NLRP8: variants seen among roughly 807,000 people sequenced by gnomAD.
NLRP8 encodes the protein NACHT, LRR and PYD domains-containing protein 8.
Under a neutral mutation model 88.7 loss-of-function variants are expected in NLRP8, and 86 were observed. The observed-to-expected ratio is 0.97, with a 90% CI of 0.81 to 1.16. The LOEUF (loss-of-function observed/expected upper bound fraction) is 1.16, where lower values mean the gene tolerates loss of function less well. Ranked by LOEUF, NLRP8 falls within the 50% of genes most tolerant of loss-of-function variation. The pLI is 0.00. For missense variants in NLRP8, 1,342 were observed against 1,286.5 expected (o/e 1.04, Z -0.66); for synonymous variants, 504 against 494.6 (o/e 1.02, Z -0.25).
rs1039259423 is a variant in NLRP8, at chr19:55,965,380, G to T, written c.2214-833G>T. ...GCAGGAGAATCACTTGAACCTGGGA[G>T]GCAGAGGTTACAGTAAGCTGAGATC... On this transcript the variant is annotated intron_variant, in intron 4 of 9. Transcript: ENST00000291971. 3.4e-4 allele frequency among the ~76,000 whole-genome samples: 52 copies of T among 151,938 alleles called. 1 individual carries two copies.
intron 9 of NLRP8, among the ~76,000 whole-genome samples, chr19:55,987,479 G>A (rs894315616): frequency 1.3e-5 from 2 of 152,194 alleles, no homozygotes; most frequent in Non-Finnish European, 2.9e-5. Flanking sequence ...TGCTAATTGT[G>A]CAAATACTAT....
chr19:55,987,813 G>C lies in NLRP8; in HGVS notation c.3048-1G>C. ...AGCAGCCTTCCTTTACCTCCCTCCA[G>C]CTGTATTCCTGCCTGGACTCGAATA... On this transcript the variant is annotated splice_acceptor_variant, in intron 9 of 9. Coordinates refer to ENST00000291971, the MANE Select transcript of NLRP8 (RefSeq NM_176811.2). LOFTEE classifies it high-confidence loss of function. 6.2e-7 allele frequency: 1 copy of C among 1,612,760 alleles called. No individual in the cohort carries two copies. Among genetic ancestry groups the C allele is most frequent in the South Asian group, 1.1e-5 (1 of 91,052 alleles).
rs1390812231 is a variant in NLRP8 at position 55,973,840 on chromosome 19, T to C, written c.2705+18T>C. On this transcript the variant is annotated intron_variant, in intron 7 of 9. Coordinates refer to ENST00000291971, the MANE Select transcript of NLRP8 (RefSeq NM_176811.2). ...AGGCTGGTGTAAGTCCCAGAATGTT[T>C]TCTTCTCTGAATTCCCTGGAGCAGA... 1 of 1,600,652 alleles carries C rather than the reference T, an allele frequency of 6.2e-7. No homozygotes were observed. Among genetic ancestry groups the C allele is most frequent in the Non-Finnish European group, 8.5e-7 (1 of 1,170,784 alleles).
At chr19:55,983,595 A>G (rs1289009495) in intron 9 of NLRP8, among the ~76,000 whole-genome samples, 1 of 152,046 alleles carries the variant, frequency 6.6e-6, no homozygotes, top group Non-Finnish European at 1.5e-5. Context: ...CTCCCCAGAA[A>G]CTACATGTGA....
Position 55,960,552 on chromosome 19 carries a change from C to T in NLRP8, c.2043-1515C>T, listed in dbSNP as rs146362720. The stretch of plus-strand genomic sequence containing the variant: ...TCTTTCTATGATGCTGCGTAAAGAC[C>T]TGACATCCGTAGAAATCTTAAGACA... On this transcript the variant is annotated intron_variant, in intron 3 of 9. Coordinates refer to ENST00000291971, the MANE Select transcript of NLRP8 (RefSeq NM_176811.2). Among the ~76,000 whole-genome samples the T allele has an allele frequency of 2.4e-3, 366 of 152,250 alleles. 4 individuals carry two copies. The highest frequency in any genetic ancestry group is 8.3e-3 in the African/African-American group (344 of 41,546).
Position 55,947,848 on chromosome 19 carries a change from T to G in NLRP8, c.-55T>G. ...TCTCTGCAGGTCTCGTGTTTCTCTCTTCCAATCGGTTGTCTTTATCGTGGA... is the reference window on the plus strand; with the variant it reads ...TCTCTGCAGGTCTCGTGTTTCTCTCGTCCAATCGGTTGTCTTTATCGTGGA... On this transcript the variant is annotated 5_prime_UTR_variant, in exon 1 of 10. Coordinates refer to ENST00000291971, the MANE Select transcript of NLRP8 (RefSeq NM_176811.2). 2.6e-6 allele frequency: 4 copies of G among 1,545,222 alleles called. No homozygotes were observed. Among genetic ancestry groups the G allele is most frequent in the Non-Finnish European group, 3.5e-6 (4 of 1,143,998 alleles).
rs1190339755 is a variant in NLRP8 at position 55,954,671 on chromosome 19, AC to A, written c.615del (p.Val206TrpfsTer18). The A allele has an allele frequency of 6.2e-7, 1 of 1,614,146 alleles. No individual in the cohort carries two copies. The highest frequency in any genetic ancestry group is 1.1e-5 in the South Asian group (1 of 91,074). Reference sequence around the variant, plus strand: ...AAGACCCCAGGGTAGACAGCCCAAGACCGTGGCCATACAGGGAGCTCCTGGG... The same window carrying A: ...AAGACCCCAGGGTAGACAGCCCAAGACGTGGCCATACAGGGAGCTCCTGGG... On this transcript the variant is annotated frameshift_variant, in exon 3 of 10. Transcript: ENST00000291971. LOFTEE classifies it high-confidence loss of function.
At chr19:55,962,321 AC>A in intron 4 of NLRP8, 84 bp downstream of exon 4, 1 of 1,396,292 alleles carries the variant, frequency 7.2e-7, no homozygotes, top group Non-Finnish European at 9.8e-7. Context: ...CTCTCCACTC[AC>A]ACTAGACTTC....
intron 7 of NLRP8, among the ~76,000 whole-genome samples, chr19:55,975,806 A>G (rs1200664544): frequency 6.6e-6 from 1 of 152,198 alleles, no homozygotes; most frequent in East Asian, 1.9e-4. Context: ...TGGCTTCTAA[A>G]GTATCCAGGG....
chr19:55,974,340 G>T (rs952399168), intron 7 of NLRP8, among the ~76,000 whole-genome samples: 17 of 152,134 alleles, frequency 1.1e-4, no homozygotes, highest in Non-Finnish European at 1.9e-4. Flanking sequence ...ACTCTTGGTT[G>T]TGCTTATCTG....
At chr19:55,967,080 TTTATAC>T (rs1979877907) in intron 5 of NLRP8, among the ~76,000 whole-genome samples, 1 of 152,232 alleles carries the variant, frequency 6.6e-6, no homozygotes, top group African/African-American at 2.4e-5. Context: ...AAACAATTGA[TTTATAC>T]TTTTAGTTAT....
At chr19:55,952,431 A>G (rs1288536799) in intron 1 of NLRP8, 107 bp from the exon 2 acceptor site, 1 of 811,380 alleles carries the variant, frequency 1.2e-6, no homozygotes, top group East Asian at 2.5e-5. Flanking sequence ...TGAGACTCTG[A>G]AGCCATGTGG....
rs532337579 is a variant in NLRP8, at chr19:55,975,258, A to G, written c.2706-875A>G. Reference sequence around the variant, plus strand: ...GCCCCAAGCATAGTAACTCTCAGCAAATGTTTGTGAAAGGCAAGAGGTGGC... The same window carrying G: ...GCCCCAAGCATAGTAACTCTCAGCAGATGTTTGTGAAAGGCAAGAGGTGGC... On this transcript the variant is annotated intron_variant, in intron 7 of 9. Transcript: ENST00000291971. Among the ~76,000 whole-genome samples, 5 of 152,292 alleles carry G rather than the reference A, an allele frequency of 3.3e-5. No individual in the cohort carries two copies. The East Asian group carries it at 7.7e-4, about 23-fold the overall frequency.
rs1024634999 is a variant in NLRP8 at position 55,973,709 on chromosome 19, G to A, written c.2592G>A (p.Arg864=). 1 of 1,613,732 alleles carries A rather than the reference G, an allele frequency of 6.2e-7. No individual in the cohort carries two copies. The highest frequency in any genetic ancestry group is 8.5e-7 in the Non-Finnish European group (1 of 1,179,868). Residue 864 remains arginine (R), a synonymous_variant, in exon 7 of 10, where the codon AGG becomes AGA. Coordinates refer to ENST00000291971, the MANE Select transcript of NLRP8 (RefSeq NM_176811.2). ...GTGAAAGCCTTGCCTCCTGTCTCAG[G>A]CAGAGTAAGATGCTGACCCACCTGA...
chr19:55,985,575 T>C (rs962674985), intron 9 of NLRP8, among the ~76,000 whole-genome samples: 23 of 152,122 alleles, frequency 1.5e-4, no homozygotes, highest in African/African-American at 5.1e-4. Flanking sequence ...TCATACCATA[T>C]ACAAAATTAA....
chr19:55,977,106 A>G (rs953462320), intron 8 of NLRP8, among the ~76,000 whole-genome samples: 25 of 147,614 alleles, frequency 1.7e-4, no homozygotes, highest in African/African-American at 5.9e-4. Flanking sequence ...ACATATATAC[A>G]TATATATGTA....
chr19:55,960,976 A>G (rs1197518690), intron 3 of NLRP8, among the ~76,000 whole-genome samples: 3 of 138,238 alleles, frequency 2.2e-5, no homozygotes, highest in African/African-American at 8.4e-5. Context: ...ATCTTGGCTC[A>G]CTGCAACCTC....
At chr19:55,970,748 T>C (rs1600309606) in intron 6 of NLRP8, 52 bp downstream of exon 6, 1 of 1,607,060 alleles carries the variant, frequency 6.2e-7, no homozygotes, top group Non-Finnish European at 8.5e-7. Context: ...TGGTGGTTGT[T>C]TGGTAGATTT....
At chr19:55,974,313 C>T (rs2034637828) in intron 7 of NLRP8, among the ~76,000 whole-genome samples, 1 of 151,680 alleles carries the variant, frequency 6.6e-6, no homozygotes, top group South Asian at 2.1e-4. Flanking sequence ...TTATCAGAGG[C>T]TTGGACTGCT....
Sources: allele counts gnomAD v4.1 joint callset (sites outside exome capture counted in the v4.1 genomes callset), GRCh38; gene constraint gnomAD v4.1.1; transcripts MANE v1.5; gene names NCBI Gene and HGNC (gene_info 2026-07-23, HGNC 2026-07-21).